ZNF292: variants seen among roughly 807,000 people sequenced by gnomAD.
ZNF292 encodes the protein zinc finger protein 292, also known as 16 zinc-finger domain protein.
ZNF292 carries 26 observed loss-of-function variants against 217.9 expected under a neutral mutation model. That is an observed-to-expected ratio of 0.12 (90% CI 0.09 to 0.17). ZNF292 has a LOEUF of 0.17. Ranked by LOEUF, ZNF292 falls within the 10% of genes least tolerant of loss-of-function variation. The pLI, the probability that ZNF292 is intolerant of heterozygous loss-of-function variation, is 1.00. For missense variants in ZNF292, 2,904 were observed against 3,175.2 expected, an observed-to-expected ratio of 0.91 and a Z score of 2.05; for synonymous variants, 1,257 against 1,124.1, an observed-to-expected ratio of 1.12 and a Z score of -2.37.
chr6:87,217,210 G>T (rs753630856), intron 3 of ZNF292, among the ~76,000 whole-genome samples: 1 of 152,000 alleles, frequency 6.6e-6, no homozygotes, highest in Non-Finnish European at 1.5e-5. Context: ...TTAGAAGCAT[G>T]TAAAATAAGC....
At chr6:87,248,277 T>G (rs1774714486) in intron 7 of ZNF292, among the ~76,000 whole-genome samples, 1 of 152,246 alleles carries the variant, frequency 6.6e-6, no homozygotes, top group Admixed American at 6.5e-5. Context: ...TAAGTACCTT[T>G]TAAAATCTGT....
chr6:87,192,384 G>A (rs915548132), intron 1 of ZNF292, among the ~76,000 whole-genome samples: 11 of 151,446 alleles, frequency 7.3e-5, no homozygotes, highest in Non-Finnish European at 1.5e-4. Context: ...TTTAACCCTA[G>A]CGAAAATAAC....
At chr6:87,208,719 C>T (rs1185991734) in intron 1 of ZNF292, among the ~76,000 whole-genome samples, 1 of 152,060 alleles carries the variant, frequency 6.6e-6, no homozygotes, top group Admixed American at 6.6e-5. Flanking sequence ...GCTCCAAGTT[C>T]ATGTATGACA....
At chr6:87,160,491 A>G (rs989283) in intron 1 of ZNF292, among the ~76,000 whole-genome samples, 89,465 of 146,222 alleles carry the variant, frequency 0.61, 28,279 homozygotes, top group African/African-American at 0.81. Context: ...TTGTATATAT[A>G]TGTGTGTGTG....
intron 1 of ZNF292, among the ~76,000 whole-genome samples, chr6:87,195,487 T>G (rs937662351): frequency 1.2e-4 from 19 of 152,162 alleles, no homozygotes; most frequent in African/African-American, 4.1e-4. Context: ...ATACAGGCAC[T>G]CCTTCATTTG....
Position 87,258,002 on chromosome 6 carries a change from C to G in ZNF292, c.4373C>G (p.Ala1458Gly), listed in dbSNP as rs1349090203. The change falls in exon 8 of 8, where the codon GCT (alanine) becomes GGT (glycine). Residue 1458 changes from alanine (A) to glycine (G), a missense_variant. Physicochemically the swap from Ala to Gly is moderately conservative, Grantham distance 60. This residue lies in a region of ZNF292 where 622 missense variants were observed against 573.1 expected (regional missense o/e 1.09). Coordinates refer to ENST00000369577, the MANE Select transcript of ZNF292 (RefSeq NM_015021.3). ...FKDPSFLQLL[A>G]ENRSPAFLPN... ...GATCCATCATTTCTACAGCTTCTTG[C>G]TGAAAATCGCTCGCCAGCATTTTTA... 1 of 1,613,898 alleles carries G rather than the reference C, an allele frequency of 6.2e-7. No individual in the cohort carries two copies. Among genetic ancestry groups the G allele is most frequent in the South Asian group, 1.1e-5 (1 of 91,076 alleles).
chr6:87,239,071 G>GTCTACTTCT (rs1281660627), intron 5 of ZNF292, among the ~76,000 whole-genome samples: 1 of 152,264 alleles, frequency 6.6e-6, no homozygotes, highest in Non-Finnish European at 1.5e-5. Context: ...AGTCTCCTAT[G>GTCTACTTCT]TCTACTTCTT....
intron 1 of ZNF292, among the ~76,000 whole-genome samples, chr6:87,189,363 A>G (rs1179262221): frequency 1.3e-5 from 2 of 152,084 alleles, no homozygotes; most frequent in Non-Finnish European, 2.9e-5. Context: ...TTCACATAGT[A>G]TGTGTCACAA....
intron 1 of ZNF292, among the ~76,000 whole-genome samples, chr6:87,179,825 A>G (rs758849153): frequency 7.2e-5 from 11 of 152,106 alleles, no homozygotes; most frequent in South Asian, 6.2e-4. Context: ...TATTTGCCCT[A>G]TTTCCTCCAT....
rs761555274 is a variant in ZNF292, at chr6:87,245,664, T to G, written c.1020+20T>G. On this transcript the variant is annotated intron_variant, in intron 7 of 7. Coordinates refer to ENST00000369577, the MANE Select transcript of ZNF292 (RefSeq NM_015021.3). The stretch of plus-strand genomic sequence containing the variant: ...TCAGAGGTAAGAATAATCAGAATAT[T>G]TTTAAGGTTAAAATGTGTACATTAT... 1.8e-5 allele frequency: 25 copies of G among 1,393,498 alleles called. No homozygotes were observed. The highest frequency in any genetic ancestry group is 2.4e-5 in the Non-Finnish European group (24 of 1,020,690). The allele number at this position is 1,393,498 out of a possible 1,614,324, so 86.3% of individuals were successfully genotyped here.
At chr6:87,232,399 G>T (rs1471834026) in intron 4 of ZNF292, among the ~76,000 whole-genome samples, 1 of 152,078 alleles carries the variant, frequency 6.6e-6, no homozygotes, top group Non-Finnish European at 1.5e-5. Context: ...AAGCAGAGAA[G>T]ATACTGTGTT....
At chr6:87,214,387 T>G (rs1416609554) in intron 1 of ZNF292, among the ~76,000 whole-genome samples, 2 of 152,096 alleles carry the variant, frequency 1.3e-5, no homozygotes, top group African/African-American at 4.8e-5. Flanking sequence ...TCTCTGGTTG[T>G]TTTTATCCTC....
intron 1 of ZNF292, among the ~76,000 whole-genome samples, chr6:87,186,256 T>C (rs1173395387): frequency 6.6e-6 from 1 of 152,228 alleles, no homozygotes; most frequent in Non-Finnish European, 1.5e-5. Flanking sequence ...CCAGACTAGT[T>C]ACAAAAAGTA....
Position 87,259,093 on chromosome 6 carries a change from A to G in ZNF292, c.5464A>G (p.Lys1822Glu), listed in dbSNP as rs1775412235. Residue 1822 changes from lysine (K) to glutamate (E), a missense_variant, in exon 8 of 8, where the codon AAA becomes GAA. Transcript: ENST00000369577. ...CTCCTTTATAAGTGTCATGCCAACAAAAAGTAACATTCCTCAGTCTGAAGT... is the reference window on the plus strand; with the variant it reads ...CTCCTTTATAAGTGTCATGCCAACAGAAAGTAACATTCCTCAGTCTGAAGT... Reference protein sequence around the residue: ...FSSFISVMPTKSNIPQSEVSH... With the variant: ...FSSFISVMPTESNIPQSEVSH... 6.2e-7 allele frequency: 1 copy of G among 1,613,176 alleles called. No homozygotes were observed. Among genetic ancestry groups the G allele is most frequent in the African/African-American group, 1.3e-5 (1 of 74,898 alleles).
rs1739516696 is a variant in ZNF292 at position 87,254,651 on chromosome 6, C to G, written c.1022C>G (p.Thr341Ser). Residue 341 changes from threonine (T) to serine (S), a missense_variant and splice_region_variant, in exon 8 of 8, where the codon ACT (threonine) becomes AGT (serine). By Grantham distance (58) the Thr-to-Ser change is moderately conservative. Transcript: ENST00000369577. ...FFLIKVINSE[T>S]EGAGLATCIE... The stretch of plus-strand genomic sequence containing the variant: ...CATTTCCTATTTGCTTTTTCACAGA[C>G]TGAAGGGGCTGGACTTGCTACCTGT... 2 of 1,590,142 alleles carry G rather than the reference C, an allele frequency of 1.3e-6. No individual in the cohort carries two copies. The highest frequency in any genetic ancestry group is 2.7e-5 in the African/African-American group (2 of 73,904).
chr6:87,156,232 C>G (rs1047647852), intron 1 of ZNF292, among the ~76,000 whole-genome samples: 7 of 152,344 alleles, frequency 4.6e-5, no homozygotes, highest in African/African-American at 1.7e-4. Context: ...GTCCCGCCCC[C>G]CAGCCCCGGC....
chr6:87,186,404 C>G (rs1165458751), intron 1 of ZNF292, among the ~76,000 whole-genome samples: 1 of 152,194 alleles, frequency 6.6e-6, no homozygotes, highest in African/African-American at 2.4e-5. Flanking sequence ...TCTTAGTTCT[C>G]CAGTCCTCTT....
intron 1 of ZNF292, among the ~76,000 whole-genome samples, chr6:87,176,129 A>C (rs949507516): frequency 6.6e-6 from 1 of 152,208 alleles, no homozygotes; most frequent in Non-Finnish European, 1.5e-5. Context: ...ACCTGTCACT[A>C]GGTTCGTGGC....
chr6:87,243,396 A>C, intron 5 of ZNF292, 79 bp from the exon 6 acceptor site: 2 of 1,177,872 alleles, frequency 1.7e-6, no homozygotes, highest in Middle Eastern at 4.2e-4. Flanking sequence ...CTAAATATTT[A>C]ATGAAAACTA....
Sources: allele counts gnomAD v4.1 joint callset (sites outside exome capture counted in the v4.1 genomes callset), GRCh38; gene constraint gnomAD v4.1.1; regional missense constraint gnomAD v4.1.1; transcripts MANE v1.5; gene names NCBI Gene and HGNC (gene_info 2026-07-23, HGNC 2026-07-21).